CLIP2: variants seen among roughly 807,000 people sequenced by gnomAD.
The protein encoded by CLIP2 is CAP-Gly domain-containing linker protein 2.
CLIP2 carries 41 observed loss-of-function variants against 111.7 expected under a neutral mutation model. The ratio of observed to expected loss-of-function variants is 0.37; its 90% CI spans 0.29 to 0.48. The LOEUF (loss-of-function observed/expected upper bound fraction) is 0.48, where lower values mean the gene tolerates loss of function less well. Ranked by LOEUF, CLIP2 falls within the 20% of genes least tolerant of loss-of-function variation. The pLI, the probability that CLIP2 is intolerant of heterozygous loss-of-function variation, is 0.99. For synonymous variants in CLIP2, 660 were observed against 644.2 expected (o/e 1.02, Z -0.37); for missense variants, 1,160 against 1,422.1 (o/e 0.82, Z 2.96).
Position 74,401,492 on chromosome 7 carries a change from CT to C in CLIP2, c.3067-12del, listed in dbSNP as rs782312230. On this transcript the variant is annotated splice_polypyrimidine_tract_variant and intron_variant, in intron 15 of 16. Coordinates refer to ENST00000223398, the MANE Select transcript of CLIP2 (RefSeq NM_003388.5). ...TGGTGCACCTGGCTCAGTGTCTCCC[CT>C]AACTCTTCCAGACCATCGGCAATTC... 76 of 1,613,796 alleles carry C rather than the reference CT, an allele frequency of 4.7e-5. No individual in the cohort carries two copies. Among genetic ancestry groups the C allele is most frequent in the Non-Finnish European group, 6.0e-5 (71 of 1,179,924 alleles).
intron 1 of CLIP2, among the ~76,000 whole-genome samples, chr7:74,307,924 G>A (rs374270064): frequency 6.6e-6 from 1 of 152,158 alleles, no homozygotes; most frequent in African/African-American, 2.4e-5. Flanking sequence ...TGTTGTCGTG[G>A]GAATTCCAGA....
intron 3 of CLIP2, among the ~76,000 whole-genome samples, chr7:74,341,482 G>C (rs782713276): frequency 2.6e-5 from 4 of 152,056 alleles, no homozygotes; most frequent in Non-Finnish European, 5.9e-5. Context: ...CCCAGCCTCA[G>C]GAAAGTTTAA....
chr7:74,355,520 G>A (rs1279964930), intron 4 of CLIP2, among the ~76,000 whole-genome samples: 2 of 152,162 alleles, frequency 1.3e-5, no homozygotes, highest in African/African-American at 2.4e-5. Context: ...TGAGGTGGGA[G>A]GATTGCATGA....
intron 1 of CLIP2, among the ~76,000 whole-genome samples, chr7:74,293,145 C>G (rs1554725611): frequency 6.6e-6 from 1 of 152,178 alleles, no homozygotes; most frequent in African/African-American, 2.4e-5. Flanking sequence ...GCCCTCCGAT[C>G]CCATACCTTT....
intron 3 of CLIP2, among the ~76,000 whole-genome samples, chr7:74,349,470 GTATATATA>G (rs1158400867): frequency 0.011 from 381 of 33,766 alleles, 5 homozygotes; most frequent in East Asian, 0.036. Context: ...GTGTGTGTGT[GTATATATA>G]TATATATATA....
chr7:74,349,654 C>T (rs560216405), intron 3 of CLIP2, among the ~76,000 whole-genome samples: 1 of 151,678 alleles, frequency 6.6e-6, no homozygotes, highest in East Asian at 1.9e-4. Context: ...TAAAGTCTCA[C>T]TCTTGTCACC....
At position 74,377,702 on chromosome 7, in the gene CLIP2, T is replaced by C. The variant is rs189950335; in HGVS notation, c.2421+880T>C. ...GGCAGAGATGTTCAACCCCATTCCC[T>C]GTGGGGCTGACAGAGAGTGCCCAAG... On this transcript the variant is annotated intron_variant, in intron 10 of 16. Transcript: ENST00000223398. Among the ~76,000 whole-genome samples the C allele has an allele frequency of 2.1e-3, 313 of 152,322 alleles. 1 individual carries two copies. The highest frequency in any genetic ancestry group is 3.4e-3 in the Non-Finnish European group (234 of 68,020).
chr7:74,387,622 G>T (rs576577142), intron 12 of CLIP2, among the ~76,000 whole-genome samples: 2 of 152,296 alleles, frequency 1.3e-5, no homozygotes, highest in East Asian at 3.9e-4. Context: ...CTCGGAAATG[G>T]TTGCCAACCT....
chr7:74,393,297 G>A (rs545271141), intron 13 of CLIP2, among the ~76,000 whole-genome samples: 1 of 151,866 alleles, frequency 6.6e-6, no homozygotes, highest in African/African-American at 2.4e-5. Context: ...CAAAGTGCTG[G>A]GAGTACAGGC....
At chr7:74,362,037 G>A (rs1790342968) in intron 7 of CLIP2, among the ~76,000 whole-genome samples, 1 of 151,430 alleles carries the variant, frequency 6.6e-6, no homozygotes, top group African/African-American at 2.4e-5. Flanking sequence ...GGAGGTGGAG[G>A]TTGCAGTGAA....
intron 11 of CLIP2, among the ~76,000 whole-genome samples, chr7:74,384,610 T>A (rs1372650635): frequency 2.0e-5 from 3 of 151,654 alleles, no homozygotes; most frequent in Non-Finnish European, 2.9e-5. Flanking sequence ...CACGCCTGGC[T>A]AATTTTTGTA....
rs1490284937 is a variant in CLIP2, at chr7:74,356,517, T to C, written c.911T>C (p.Met304Thr). 20 of 1,614,090 alleles carry C rather than the reference T, an allele frequency of 1.2e-5. No homozygotes were observed. The highest frequency in any genetic ancestry group is 1.6e-5 in the Non-Finnish European group (19 of 1,180,044). Residue 304 changes from methionine (M) to threonine (T), a missense_variant, in exon 5 of 17, where the codon ATG becomes ACG. This residue lies in a region of CLIP2 where 110 missense variants were observed against 185.2 expected (regional missense o/e 0.59). Transcript: ENST00000223398. ...SPAKAKKTKR[M>T]AMGVSALTHS... Reference sequence around the variant, plus strand: ...GCCAAGGCCAAGAAGACCAAGCGTATGGCCATGGGTGTGTCAGCACTGACC... The same window carrying C: ...GCCAAGGCCAAGAAGACCAAGCGTACGGCCATGGGTGTGTCAGCACTGACC...
intron 2 of CLIP2, among the ~76,000 whole-genome samples, chr7:74,337,024 T>C (rs979299344): frequency 6.6e-6 from 1 of 151,986 alleles, no homozygotes; most frequent in African/African-American, 2.4e-5. Flanking sequence ...TAGCTGGGAT[T>C]ACAGGCACCC....
At chr7:74,343,034 CAAA>C (rs57450898) in intron 3 of CLIP2, among the ~76,000 whole-genome samples, 3 of 117,016 alleles carry the variant, frequency 2.6e-5, no homozygotes, top group Admixed American at 8.9e-5. Flanking sequence ...GACTCTGTCT[CAAA>C]AAAAAAAAAA....
At chr7:74,328,229 G>T (rs1380576457) in intron 2 of CLIP2, among the ~76,000 whole-genome samples, 1 of 152,180 alleles carries the variant, frequency 6.6e-6, no homozygotes, top group Non-Finnish European at 1.5e-5. Context: ...TGCGGGGACT[G>T]CCGGAGGGAA....
At chr7:74,332,473 T>TTTTTC (rs1789319254) in intron 2 of CLIP2, among the ~76,000 whole-genome samples, 1 of 148,272 alleles carries the variant, frequency 6.7e-6, no homozygotes, top group Non-Finnish European at 1.5e-5. Context: ...TTTTTTTTTT[T>TTTTTC]TTTTTTTAGA....
intron 2 of CLIP2, among the ~76,000 whole-genome samples, chr7:74,330,532 C>T (rs1220663508): frequency 2.0e-5 from 3 of 152,072 alleles, no homozygotes; most frequent in Non-Finnish European, 2.9e-5. Context: ...GCTGGGATTA[C>T]AGGTGTGAGC....
intron 2 of CLIP2, among the ~76,000 whole-genome samples, chr7:74,329,334 C>A (rs989372851): frequency 2.0e-5 from 3 of 151,926 alleles, no homozygotes; most frequent in African/African-American, 7.3e-5. Flanking sequence ...CATGAGCCAC[C>A]ACACCCGGCC....
chr7:74,353,975 G>C lies in CLIP2; in HGVS notation c.774G>C (p.Gly258=), dbSNP rs144879637. The stretch of plus-strand genomic sequence containing the variant: ...GCGTGGAGCTGGACGAGCCCCTTGG[G>C]AAGAATGATGGGGCGGTGGCGGGCA... ...WCGVELDEPL[G]KNDGAVAGTR... The change falls in exon 4 of 17, where the codon GGG becomes GGC. Residue 258 remains glycine (G), a synonymous_variant. Coordinates refer to ENST00000223398, the MANE Select transcript of CLIP2 (RefSeq NM_003388.5). 3 of 1,613,774 alleles carry C rather than the reference G, an allele frequency of 1.9e-6. No homozygotes were observed. The African/African-American group carries it at 4.0e-5, about 22-fold the overall frequency.
Sources: gnomAD v4.1 joint callset for allele counts (sites outside exome capture counted in the v4.1 genomes callset) on GRCh38, gnomAD v4.1.1 for gene constraint, gnomAD v4.1.1 regional missense constraint, MANE v1.5 for transcripts, NCBI Gene and HGNC (gene_info 2026-07-23, HGNC 2026-07-21) for gene names.